The following ANKRD11 variants were observed in gnomAD, a reference collection of about 807,000 sequenced individuals.
The protein encoded by ANKRD11 is ankyrin repeat domain 11.
In ANKRD11, 17 loss-of-function variants were observed where a neutral mutation model predicts 195.7. That is an observed-to-expected ratio of 0.09 (90% CI 0.06 to 0.13). The LOEUF is 0.13. Among genes scored for constraint, ANKRD11 ranks in the 10% least tolerant of loss-of-function variants. The pLI, the probability that ANKRD11 is intolerant of heterozygous loss-of-function variation, is 1.00. For missense variants in ANKRD11, 3,735 were observed against 3,566.1 expected (o/e 1.05, Z -1.21); for synonymous variants, 1,953 against 1,528.1 (o/e 1.28, Z -6.49).
intron 2 of ANKRD11, among the ~76,000 whole-genome samples, chr16:89,334,570 G>A (rs1462647795): frequency 6.6e-6 from 1 of 152,046 alleles, no homozygotes; most frequent in Non-Finnish European, 1.5e-5. Context: ...CATGCTATGG[G>A]GCCATGAGAA....
chr16:89,448,741 A>T (rs991263105), intron 1 of ANKRD11, among the ~76,000 whole-genome samples: 1 of 152,188 alleles, frequency 6.6e-6, no homozygotes, highest in Non-Finnish European at 1.5e-5. Flanking sequence ...TCATTTTCAA[A>T]GTCCAAGACG....
At chr16:89,353,612 G>C (rs546574861) in intron 2 of ANKRD11, among the ~76,000 whole-genome samples, 128 of 152,080 alleles carry the variant, frequency 8.4e-4, no homozygotes, top group Middle Eastern at 3.4e-3. Flanking sequence ...CTAGTAGCTG[G>C]GATTACAGGC....
chr16:89,304,748 A>G (rs1039444918), intron 4 of ANKRD11, among the ~76,000 whole-genome samples: 2 of 152,178 alleles, frequency 1.3e-5, no homozygotes, highest in Non-Finnish European at 2.9e-5. Context: ...CCTGCTCTGC[A>G]GCCTCAGACC....
At chr16:89,373,940 C>T (rs1234930117) in intron 2 of ANKRD11, among the ~76,000 whole-genome samples, 1 of 152,208 alleles carries the variant, frequency 6.6e-6, no homozygotes, top group Non-Finnish European at 1.5e-5. Context: ...CAGGAGTGAC[C>T]ACCAAGCGGG....
At position 89,441,680 on chromosome 16, in the gene ANKRD11, T is replaced by C. The variant is rs148925692; in HGVS notation, c.-144-23312A>G. ...TACTCGGGAGGCTGAGGCAGGAGAA[T>C]GGCATGAACCCAGGAGGCGGACTAT... On this transcript the variant is annotated intron_variant, in intron 1 of 12. Transcript: ENST00000301030. Among the ~76,000 whole-genome samples the C allele has an allele frequency of 6.5e-3, 894 of 137,636 alleles. 9 individuals carry two copies. The highest frequency in any genetic ancestry group is 0.022 in the African/African-American group (805 of 36,120). 90.3% of individuals were successfully genotyped at this position (137,636 alleles called of 152,430 possible).
chr16:89,287,923 C>T (rs955847049), intron 7 of ANKRD11: 1 of 410,844 alleles, frequency 2.4e-6, no homozygotes, highest in African/African-American at 2.0e-5. Context: ...ACCAGGGGCT[C>T]TCCACGGAGC....
chr16:89,432,154 G>C (rs1426845300), intron 1 of ANKRD11, among the ~76,000 whole-genome samples: 1 of 151,476 alleles, frequency 6.6e-6, no homozygotes, highest in African/African-American at 2.4e-5. Flanking sequence ...GCCACATCTG[G>C]TCACTTATTT....
chr16:89,398,206 G>C (rs2965809), intron 2 of ANKRD11, among the ~76,000 whole-genome samples: 56,678 of 133,528 alleles, frequency 0.42, 10,258 homozygotes, highest in Middle Eastern at 0.61. Flanking sequence ...TGAAACAGCT[G>C]AAGATTACCT....
At chr16:89,298,730 G>A (rs1234447071) in intron 4 of ANKRD11, 9 of 152,176 alleles carry the variant, frequency 5.9e-5, no homozygotes, top group Admixed American at 5.9e-4. Flanking sequence ...CCTTTGCTGC[G>A]GCTTGGGGAT....
At chr16:89,407,852 C>CAAAAAAAAA (rs60723753) in intron 2 of ANKRD11, among the ~76,000 whole-genome samples, 3 of 111,426 alleles carry the variant, frequency 2.7e-5, no homozygotes, top group Admixed American at 1.0e-4. Context: ...TGTCTCCCTC[C>CAAAAAAAAA]AAAAAAAAAA....
At chr16:89,290,494 AAT>A (rs1166654121) in intron 6 of ANKRD11, 129 bp downstream of exon 6, 15 of 181,448 alleles carry the variant, frequency 8.3e-5, no homozygotes, top group South Asian at 3.0e-4. Context: ...TCAGGGCTCC[AAT>A]GGGGGGAGGC....
chr16:89,323,102 A>C, intron 2 of ANKRD11: 1 of 315,960 alleles, frequency 3.2e-6, no homozygotes. Context: ...TTTCCAGCTG[A>C]GCCCTGCCGG....
chr16:89,403,313 C>T (rs554654710), intron 2 of ANKRD11, among the ~76,000 whole-genome samples: 2 of 152,310 alleles, frequency 1.3e-5, no homozygotes, highest in African/African-American at 4.8e-5. Flanking sequence ...CTGCTCCCCC[C>T]TCCTGACCGG....
rs564796837 is a variant in ANKRD11, at chr16:89,374,945, G to C, written c.-60+43339C>G. Among the ~76,000 whole-genome samples, 18 of 152,188 alleles carry C rather than the reference G, an allele frequency of 1.2e-4. 1 individual carries two copies. Among genetic ancestry groups the C allele is most frequent in the East Asian group, 3.9e-4 (2 of 5,190 alleles). On this transcript the variant is annotated intron_variant, in intron 2 of 12. Coordinates refer to ENST00000301030, the MANE Select transcript of ANKRD11 (RefSeq NM_013275.6). ...GGAATACCGAAAAAAGTCAGAAAAA[G>C]TATGTCATGAATGTACAAAATATAT...
chr16:89,335,386 A>T (rs547126625), intron 2 of ANKRD11, among the ~76,000 whole-genome samples: 10 of 152,324 alleles, frequency 6.6e-5, no homozygotes, highest in African/African-American at 2.4e-4. Flanking sequence ...AGGTCCCAGA[A>T]GCATGGGAGC....
chr16:89,450,398 G>GT (rs2044016459), intron 1 of ANKRD11, among the ~76,000 whole-genome samples: 1 of 152,188 alleles, frequency 6.6e-6, no homozygotes, highest in Admixed American at 6.5e-5. Flanking sequence ...AGCTTTTACA[G>GT]TGACAGCAAC....
Position 89,284,201 on chromosome 16 carries a change from C to T in ANKRD11, c.2341G>A (p.Asp781Asn), listed in dbSNP as rs2034484200. 1 of 1,611,172 alleles carries T rather than the reference C, an allele frequency of 6.2e-7. No individual in the cohort carries two copies. The highest frequency in any genetic ancestry group is 1.1e-5 in the South Asian group (1 of 89,782). ...TTTGAAATTTTGTCCTCTTTTAAAT[C>T]ATTCTTCTTCTCTAATTTTGAGGGC... ...DRPSKLEKKN[D>N]LKEDKISKEK... The change falls in exon 9 of 13, where the codon GAT becomes AAT. Residue 781 changes from aspartate (D) to asparagine (N), a missense_variant. Physicochemically the swap from Asp to Asn is conservative, Grantham distance 23 (BLOSUM62 1). Coordinates refer to ENST00000301030, the MANE Select transcript of ANKRD11 (RefSeq NM_013275.6).
At chr16:89,313,581 T>C in intron 3 of ANKRD11, 1 of 1,289,156 alleles carries the variant, frequency 7.8e-7, no homozygotes, top group Non-Finnish European at 1.0e-6. Flanking sequence ...ACGATTCTTT[T>C]GGAAAAATCT....
chr16:89,365,993 G>C (rs2039931683), intron 2 of ANKRD11, among the ~76,000 whole-genome samples: 1 of 151,966 alleles, frequency 6.6e-6, no homozygotes, highest in South Asian at 2.1e-4. Flanking sequence ...GGTTTGTTAA[G>C]GATAAGGGCC....
Sources: allele counts gnomAD v4.1 joint callset (sites outside exome capture counted in the v4.1 genomes callset), GRCh38; gene constraint gnomAD v4.1.1; transcripts MANE v1.5; gene names NCBI Gene and HGNC (gene_info 2026-07-23, HGNC 2026-07-21).